The following NECAB2 variants were observed in gnomAD, a reference collection of about 807,000 sequenced individuals.
The protein encoded by NECAB2 is N-terminal EF-hand calcium binding protein 2.
NECAB2 carries 68 observed loss-of-function variants against 51.9 expected under a neutral mutation model. The ratio of observed to expected loss-of-function variants is 1.31; its 90% confidence interval spans 1.08 to 1.60. The LOEUF (loss-of-function observed/expected upper bound fraction) is 1.60, where lower values mean the gene tolerates loss of function less well. Ranked by LOEUF, NECAB2 falls within the 40% of genes most tolerant of loss-of-function variation. The pLI, the probability that NECAB2 is intolerant of heterozygous loss-of-function variation, is 0.00. For synonymous variants in NECAB2, 329 were observed against 203.5 expected (o/e 1.62, Z -5.25); for missense variants, 854 against 490.3 (o/e 1.74, Z -7.00).
chr16:83,976,002 C>CT (rs1344893808), intron 2 of NECAB2, among the ~76,000 whole-genome samples: 1 of 152,136 alleles, frequency 6.6e-6, no homozygotes, highest in Non-Finnish European at 1.5e-5. Context: ...TTGCTGGCCT[C>CT]TGTCTGCCTG....
chr16:83,996,434 C>A (rs535707754), intron 8 of NECAB2, among the ~76,000 whole-genome samples: 2 of 152,170 alleles, frequency 1.3e-5, no homozygotes, highest in Non-Finnish European at 2.9e-5. Flanking sequence ...ACAGACTCAT[C>A]CACCTGCTGC....
At chr16:83,997,817 A>G (rs2084737129) in intron 9 of NECAB2, among the ~76,000 whole-genome samples, 1 of 152,110 alleles carries the variant, frequency 6.6e-6, no homozygotes, top group African/African-American at 2.4e-5. Flanking sequence ...CTTTGATCCA[A>G]AAAAGGTTTG....
intron 3 of NECAB2, among the ~76,000 whole-genome samples, chr16:83,980,022 C>A (rs1048420169): frequency 2.0e-5 from 3 of 152,216 alleles, no homozygotes; most frequent in African/African-American, 7.2e-5. Flanking sequence ...ACAGAGCATG[C>A]AGAGCCCCCG....
intron 5 of NECAB2, among the ~76,000 whole-genome samples, chr16:83,984,613 C>T (rs867930951): frequency 6.6e-6 from 1 of 151,990 alleles, no homozygotes; most frequent in Non-Finnish European, 1.5e-5. Context: ...GTCTGTAGTT[C>T]CCACCTTCTT....
In NECAB2 at chr16:83,998,217, G is replaced by T; in HGVS notation, c.862G>T (p.Val288Phe). Residue 288 changes from valine to phenylalanine, a missense_variant, in exon 10 of 13, where the codon GTC becomes TTC. Val to Phe is a conservative substitution (Grantham distance 50). Transcript: ENST00000305202. Reference sequence around the variant, plus strand: ...CTGTGCCCGGCAGCACCTGCAGCTGGTCCGGCAGGAGATGGCCGTGTGCCC... The same window carrying T: ...CTGTGCCCGGCAGCACCTGCAGCTGTTCCGGCAGGAGATGGCCGTGTGCCC... Reference protein sequence around the residue: ...EDGTNMHLQLVRQEMAVCPEQ... With the variant: ...EDGTNMHLQLFRQEMAVCPEQ... 5 of 1,610,122 alleles carry T rather than the reference G, an allele frequency of 3.1e-6. No individual in the cohort carries two copies. The highest frequency in any genetic ancestry group is 2.2e-5 in the East Asian group (1 of 44,852).
At chr16:84,000,703 C>T (rs372099493) in intron 10 of NECAB2, 21 bp from the exon 11 acceptor site, 2 of 1,613,046 alleles carry the variant, frequency 1.2e-6, no homozygotes, top group African/African-American at 1.3e-5. Context: ...GCCTCCTCCC[C>T]CCGACCATCT....
intron 8 of NECAB2, among the ~76,000 whole-genome samples, chr16:83,996,345 C>T (rs1440798669): frequency 6.6e-6 from 1 of 152,244 alleles, no homozygotes; most frequent in African/African-American, 2.4e-5. Context: ...TTGCCAGGAT[C>T]AGCTACTACA....
At chr16:83,999,846 A>AAGAGGGAAGATGC (rs1208125097) in intron 10 of NECAB2, among the ~76,000 whole-genome samples, 2 of 152,076 alleles carry the variant, frequency 1.3e-5, no homozygotes, top group Non-Finnish European at 2.9e-5. Context: ...TAGAAGGAAG[A>AAGAGGGAAGATGC]AGAGGGAAGA....
rs758685981 is a variant in NECAB2, at chr16:83,994,291, C to A, written c.597-11C>A. ...CGCCATGGTCTGTGTGTGTTCCCATCCAAACTGCAGACAGAACCACATCAA... is the reference window on the plus strand; with the variant it reads ...CGCCATGGTCTGTGTGTGTTCCCATACAAACTGCAGACAGAACCACATCAA... On this transcript the variant is annotated splice_polypyrimidine_tract_variant and intron_variant, in intron 6 of 12. Coordinates refer to ENST00000305202, the MANE Select transcript of NECAB2 (RefSeq NM_019065.3). 1 of 1,613,846 alleles carries A rather than the reference C, an allele frequency of 6.2e-7. No homozygotes were observed. Among genetic ancestry groups the A allele is most frequent in the East Asian group, 2.2e-5 (1 of 44,884 alleles).
upstream of NECAB2, chr16:83,965,704 C>G (rs1397704889): frequency 1.9e-6 from 3 of 1,613,548 alleles, no homozygotes; most frequent in African/African-American, 4.0e-5. Flanking sequence ...AGGCCGTGTT[C>G]CAGGACCTCG....
In NECAB2 at chr16:83,997,117, T is replaced by C. The variant is rs115459901; in HGVS notation, c.796-99T>C. ...AGCCCTGTGCAACAGGGCCGGGTCC[T>C]TGGGAGCTCCCAACAGCCCCAGGGA... On this transcript the variant is annotated intron_variant, in intron 8 of 12. Coordinates refer to ENST00000305202, the MANE Select transcript of NECAB2 (RefSeq NM_019065.3). The C allele has an allele frequency of 1.1e-3, 1,592 of 1,469,946 alleles. 19 individuals carry two copies. The African/African-American group carries it at 0.02, about 18-fold the overall frequency. The allele number at this position is 1,469,946 out of a possible 1,614,324, so 91.1% of individuals were successfully genotyped here. A position where few individuals can be genotyped will look rare whatever the true frequency, so the allele number is the denominator to read the frequency against.
In NECAB2 at chr16:83,981,135, G is replaced by A. The variant is rs766069577; in HGVS notation, c.459+8G>A. The stretch of plus-strand genomic sequence containing the variant: ...ATGGGTTATACCAAGAAGGTCAGTG[G>A]GTGTAGGTGGCCCCCGGGGTCCAGG... On this transcript the variant is annotated splice_region_variant and intron_variant, in intron 5 of 12. Transcript: ENST00000305202. 6.2e-7 allele frequency: 1 copy of A among 1,606,480 alleles called. No individual in the cohort carries two copies. Among genetic ancestry groups the A allele is most frequent in the East Asian group, 2.2e-5 (1 of 44,828 alleles).
chr16:84,000,795 G>GGAAGAGGTGA lies in NECAB2; in HGVS notation c.1037_1040+6dup. 1 of 1,613,616 alleles carries GGAAGAGGTGA rather than the reference G, an allele frequency of 6.2e-7. No homozygotes were observed. On this transcript the variant is annotated stop_gained and frameshift_variant, in exon 11 of 13. Coordinates refer to ENST00000305202, the MANE Select transcript of NECAB2 (RefSeq NM_019065.3). LOFTEE classifies it high-confidence loss of function. ...GAGTTCTGGGAGACAGAGGAGGCGT[G>GGAAGAGGTGA]GAAGAGGTGAGATGCTGGGTCCCCA...
intron 2 of NECAB2, among the ~76,000 whole-genome samples, chr16:83,976,232 C>T (rs996759463): frequency 2.0e-5 from 3 of 152,154 alleles, no homozygotes; most frequent in Admixed American, 6.5e-5. Context: ...GGGTAGGTGG[C>T]GATGTCGCCA....
At chr16:83,999,807 G>C (rs1279690094) in intron 10 of NECAB2, among the ~76,000 whole-genome samples, 3 of 152,146 alleles carry the variant, frequency 2.0e-5, no homozygotes, top group Non-Finnish European at 4.4e-5. Context: ...TGCAGTGGGG[G>C]TGTTGCAAGG....
At chr16:83,977,266 AC>A (rs1377013120) in intron 2 of NECAB2, among the ~76,000 whole-genome samples, 3 of 152,092 alleles carry the variant, frequency 2.0e-5, no homozygotes, top group African/African-American at 7.2e-5. Flanking sequence ...CATGCCACTC[AC>A]ATAGTTTCTC....
intron 9 of NECAB2, among the ~76,000 whole-genome samples, 183 bp from the exon 10 acceptor site, chr16:83,998,022 T>C (rs570625892): frequency 6.6e-6 from 1 of 152,286 alleles, no homozygotes; most frequent in South Asian, 2.1e-4. Context: ...CACTGGGCTC[T>C]TGAGGTTCTA....
chr16:83,973,450 C>G (rs563559382), intron 2 of NECAB2, among the ~76,000 whole-genome samples: 3 of 152,188 alleles, frequency 2.0e-5, no homozygotes, highest in African/African-American at 7.2e-5. Flanking sequence ...TGACAGTGAC[C>G]ACTCCCAGGC....
intron 5 of NECAB2, 142 bp downstream of exon 5, chr16:83,981,269 A>T: frequency 1.5e-6 from 1 of 686,346 alleles, no homozygotes; most frequent in South Asian, 1.8e-5. Context: ...GCCTCTTTGA[A>T]GCAGCTGAGA....
Sources: gnomAD v4.1 joint callset for allele counts (sites outside exome capture counted in the v4.1 genomes callset) on GRCh38, gnomAD v4.1.1 for gene constraint, MANE v1.5 for transcripts, NCBI Gene and HGNC (gene_info 2026-07-23, HGNC 2026-07-21) for gene names.